Variants in PRP4K observed in about 807,000 individuals in gnomAD.
The protein encoded by PRP4K is serine/threonine-protein kinase PRP4 homolog.
chr6:4,036,784 C>T, the PRP4K span, among the ~76,000 whole-genome samples: 11 of 151,594 alleles, frequency 7.3e-5, no homozygotes, highest in Admixed American at 2.0e-4. Context: ...GCCAGGAGTT[C>T]GAGACCAGCC....
At chr6:4,021,685 C>T in the PRP4K span, among the ~76,000 whole-genome samples, 4 of 152,206 alleles carry the variant, frequency 2.6e-5, no homozygotes, top group Non-Finnish European at 5.9e-5. Flanking sequence ...CGCGGCCTGC[C>T]GCGCGTCGTT....
chr6:4,023,930 G>A, the PRP4K span, among the ~76,000 whole-genome samples: 1 of 150,544 alleles, frequency 6.6e-6, no homozygotes, highest in Non-Finnish European at 1.5e-5. Context: ...GCAGTGGTGC[G>A]ATCTTGGCTC....
the PRP4K span, among the ~76,000 whole-genome samples, chr6:4,046,979 G>A: frequency 2.0e-5 from 3 of 152,138 alleles, no homozygotes; most frequent in Admixed American, 2.0e-4. Context: ...TTTCTGAAAT[G>A]CACTCTGTTA....
the PRP4K span, among the ~76,000 whole-genome samples, chr6:4,030,169 C>T: frequency 6.6e-6 from 1 of 152,178 alleles, no homozygotes; most frequent in African/African-American, 2.4e-5. Context: ...TCTTGAACTC[C>T]TGACCTCAGG....
At chr6:4,038,076 A>T in the PRP4K span, among the ~76,000 whole-genome samples, 163 of 152,278 alleles carry the variant, frequency 1.1e-3, 2 homozygotes, top group Non-Finnish European at 4.3e-4. Context: ...TAAAATTCAT[A>T]CATACATGAA....
At chr6:4,056,745 G>A in the PRP4K span, 1 of 1,496,910 alleles carries the variant, frequency 6.7e-7, no homozygotes, top group East Asian at 2.7e-5. Context: ...TGTTGCCTTG[G>A]TTGAGGCTGA....
the PRP4K span, chr6:4,063,475 C>T: frequency 6.6e-6 from 1 of 152,100 alleles, no homozygotes; most frequent in Non-Finnish European, 1.5e-5. Context: ...TAGGCAGATG[C>T]AAAAGAATAC....
chr6:4,063,734 G>A, the PRP4K span: 3 of 152,054 alleles, frequency 2.0e-5, no homozygotes, highest in Non-Finnish European at 2.9e-5. Context: ...CCTACACTCT[G>A]TAATTTTGCT....
the PRP4K span, chr6:4,057,297 G>A: frequency 9.1e-7 from 1 of 1,104,130 alleles, no homozygotes; most frequent in East Asian, 2.5e-5. Flanking sequence ...TCAGAAAGGT[G>A]GGTAGATGGC....
the PRP4K span, chr6:4,031,997 T>A: frequency 6.2e-7 from 1 of 1,614,030 alleles, no homozygotes; most frequent in Non-Finnish European, 8.5e-7. Flanking sequence ...GAAATAGGTC[T>A]AGTACTAGAT....
At chr6:4,022,530 G>A in the PRP4K span, among the ~76,000 whole-genome samples, 1 of 151,170 alleles carries the variant, frequency 6.6e-6, no homozygotes, top group Non-Finnish European at 1.5e-5. Flanking sequence ...CTTAGAAAGA[G>A]GTATAGTCTC....
chr6:4,049,906 T>C, the PRP4K span: 1 of 1,611,888 alleles, frequency 6.2e-7, no homozygotes, highest in South Asian at 1.1e-5. Flanking sequence ...TGAGGAAACC[T>C]TTAACAGTAC....
chr6:4,031,584 A>G, the PRP4K span: 4 of 1,572,780 alleles, frequency 2.5e-6, no homozygotes, highest in Non-Finnish European at 3.4e-6. Context: ...TTCTGAAAAG[A>G]GTATAAATGA....
chr6:4,047,387 A>C, the PRP4K span: 3 of 760,812 alleles, frequency 3.9e-6, no homozygotes, highest in Non-Finnish European at 4.1e-6. Context: ...TGAAAACTCT[A>C]CTAGTTTTGC....
chr6:4,021,387 A>T, the PRP4K span: 18 of 1,561,034 alleles, frequency 1.2e-5, no homozygotes, highest in Admixed American at 3.3e-4. Context: ...ACCGTCCGGG[A>T]GCCGCCGCCA....
the PRP4K span, among the ~76,000 whole-genome samples, chr6:4,040,105 C>G: frequency 6.6e-6 from 1 of 151,588 alleles, no homozygotes; most frequent in Non-Finnish European, 1.5e-5. Flanking sequence ...AGGCTGGTCT[C>G]AAACTCCCGA....
the PRP4K span, chr6:4,037,711 T>C: frequency 1.5e-6 from 1 of 678,892 alleles, no homozygotes. Flanking sequence ...TTACCAGCAA[T>C]CTCTACACAT....
the PRP4K span, chr6:4,021,333 G>A: frequency 6.6e-7 from 1 of 1,522,836 alleles, no homozygotes; most frequent in East Asian, 2.5e-5. Flanking sequence ...GTCGGCACAT[G>A]CGCGGCAGCT....
the PRP4K span, among the ~76,000 whole-genome samples, chr6:4,024,689 G>A: frequency 6.6e-6 from 1 of 152,128 alleles, no homozygotes; most frequent in Non-Finnish European, 1.5e-5. Flanking sequence ...TGCAACCTCT[G>A]CGTCCCAGGT....
Sources: allele counts gnomAD v4.1 joint callset (sites outside exome capture counted in the v4.1 genomes callset), GRCh38; gene constraint gnomAD v4.1.1; transcripts MANE v1.5; gene names NCBI Gene and HGNC (gene_info 2026-07-23, HGNC 2026-07-21).